Variants in SH3BGRL observed in about 807,000 individuals in gnomAD.
The protein encoded by SH3BGRL is SH3 domain binding glutamate rich protein like.
Under a neutral mutation model 9.8 loss-of-function variants are expected in SH3BGRL, and 7 were observed. The ratio of observed to expected loss-of-function variants is 0.72; its 90% confidence interval spans 0.41 to 1.35. The LOEUF (loss-of-function observed/expected upper bound fraction) is 1.35. Ranked by LOEUF, SH3BGRL falls within the 40% of genes most tolerant of loss-of-function variation. The probability of loss-of-function intolerance (pLI) is 0.01; values close to 1 mark genes in which losing one functional copy is unlikely to be tolerated. For missense variants in SH3BGRL, 73 were observed against 84.4 expected (o/e 0.86, Z 0.53); for synonymous variants, 36 against 29.1 (o/e 1.24, Z -0.76).
intron 1 of SH3BGRL, among the ~76,000 whole-genome samples, chrX:81,222,406 A>T (rs1343521637): frequency 1.0e-5 from 1 of 97,598 alleles, no homozygotes; most frequent in Non-Finnish European, 2.0e-5. Flanking sequence ...CCCATCTATG[A>T]GTGAGAACAT....
intron 1 of SH3BGRL, among the ~76,000 whole-genome samples, chrX:81,246,938 T>C (rs1250562913): frequency 2.7e-5 from 3 of 112,458 alleles, no homozygotes; most frequent in African/African-American, 9.7e-5. Flanking sequence ...TTCCAAATCA[T>C]TAGCATATAA....
rs758842309 is a variant in SH3BGRL, at chrX:81,246,591, A to G, written c.46-30393A>G. Among the ~76,000 whole-genome samples the G allele has an allele frequency of 1.4e-3, 156 of 111,369 alleles. 1 individual carries two copies. The highest frequency in any genetic ancestry group is 3.4e-3 in the South Asian group (9 of 2,671). On this transcript the variant is annotated intron_variant, in intron 1 of 3. Transcript: ENST00000373212. ...TCTTTCCAATTGTTTATTTTTCTCA[A>G]CTTTGTCAAAGATCAGATGACTGTA...
At chrX:81,265,009 A>AT (rs772578478) in intron 1 of SH3BGRL, among the ~76,000 whole-genome samples, 1,324 of 91,915 alleles carry the variant, frequency 0.014, 4 homozygotes, top group African/African-American at 0.018. Flanking sequence ...GAATGACTGT[A>AT]TTTTTTTTTT....
intron 1 of SH3BGRL, among the ~76,000 whole-genome samples, chrX:81,250,726 T>C (rs2075707064): frequency 8.9e-6 from 1 of 112,148 alleles, no homozygotes; most frequent in African/African-American, 3.2e-5. Flanking sequence ...GCAATAAAAA[T>C]GCAGAATTTA....
Position 81,274,721 on chromosome X carries a change from G to GA in SH3BGRL, c.46-2253dup, listed in dbSNP as rs951000842. On this transcript the variant is annotated intron_variant, in intron 1 of 3. Coordinates refer to ENST00000373212, the MANE Select transcript of SH3BGRL (RefSeq NM_003022.3). ...GGTGAAACAGCAAGACCCTATCTTG[G>GA]AAAAAAAAAATTAAAGGAATAGATT... 1.3e-3 allele frequency among the ~76,000 whole-genome samples: 138 copies of GA among 107,624 alleles called. 1 individual carries two copies. Among genetic ancestry groups the GA allele is most frequent in the Middle Eastern group, 4.8e-3 (1 of 209 alleles). 93.5% of individuals were successfully genotyped at this position (107,624 alleles called of 115,157 possible).
At chrX:81,244,342 C>T (rs2075681443) in intron 1 of SH3BGRL, among the ~76,000 whole-genome samples, 1 of 111,778 alleles carries the variant, frequency 8.9e-6, no homozygotes, top group Non-Finnish European at 1.9e-5. Context: ...AAAACATCAC[C>T]TAAACTAACA....
rs145052161 is a variant in SH3BGRL at position 81,233,803 on chromosome X, G to A, written c.45+31558G>A. Among the ~76,000 whole-genome samples the A allele has an allele frequency of 3.3e-3, 367 of 111,466 alleles. 2 individuals are homozygous for A. Among genetic ancestry groups the A allele is most frequent in the African/African-American group, 0.011 (343 of 30,775 alleles). The stretch of plus-strand genomic sequence containing the variant: ...GTCAATAATTTTAGAGCCAGGATCC[G>A]TATCCAGGATTTTATAGTTTCATTG... On this transcript the variant is annotated intron_variant, in intron 1 of 3. Coordinates refer to ENST00000373212, the MANE Select transcript of SH3BGRL (RefSeq NM_003022.3).
At chrX:81,292,591 A>T (rs112136650) in intron 3 of SH3BGRL, among the ~76,000 whole-genome samples, 3,100 of 112,351 alleles carry the variant, frequency 0.028, 60 homozygotes, top group African/African-American at 0.072. Flanking sequence ...ACTTATGCAA[A>T]TTTCTGCAGT....
At chrX:81,212,691 C>A (rs2075569001) in intron 1 of SH3BGRL, among the ~76,000 whole-genome samples, 1 of 111,233 alleles carries the variant, frequency 9.0e-6, no homozygotes. Flanking sequence ...GGGATTTAAT[C>A]TGACTCAACC....
chrX:81,204,344 A>G (rs1469975456), intron 1 of SH3BGRL, among the ~76,000 whole-genome samples: 1 of 111,822 alleles, frequency 8.9e-6, no homozygotes, highest in Admixed American at 9.5e-5. Flanking sequence ...TGGAGTGGTG[A>G]TTATTTACTT....
At chrX:81,239,863 C>T (rs1025282545) in intron 1 of SH3BGRL, among the ~76,000 whole-genome samples, 4 of 111,584 alleles carry the variant, frequency 3.6e-5, no homozygotes, top group East Asian at 2.8e-4. Context: ...GAGAGTGGGA[C>T]GATATATTTA....
At chrX:81,287,209 TAAAC>T (rs1223071411) in intron 3 of SH3BGRL, among the ~76,000 whole-genome samples, 4 of 111,643 alleles carry the variant, frequency 3.6e-5, no homozygotes, top group Non-Finnish European at 7.5e-5. Flanking sequence ...TTTGAAAAGT[TAAAC>T]AAAATTGACA....
intron 3 of SH3BGRL, among the ~76,000 whole-genome samples, chrX:81,293,303 G>T (rs185720209): frequency 9.0e-6 from 1 of 111,414 alleles, no homozygotes; most frequent in African/African-American, 3.3e-5. Context: ...TCCCAGCCTC[G>T]GGTATGCCTT....
intron 1 of SH3BGRL, among the ~76,000 whole-genome samples, chrX:81,232,244 T>A (rs958267099): frequency 5.4e-5 from 6 of 111,574 alleles, no homozygotes; most frequent in African/African-American, 2.0e-4. Flanking sequence ...ATGCAAGTTA[T>A]TTAATTCTCT....
intron 1 of SH3BGRL, among the ~76,000 whole-genome samples, chrX:81,270,528 C>T (rs1459262952): frequency 1.8e-5 from 2 of 112,109 alleles, no homozygotes; most frequent in East Asian, 5.6e-4. Context: ...ACTCTAGACC[C>T]TGTTTGCCTG....
intron 3 of SH3BGRL, among the ~76,000 whole-genome samples, chrX:81,296,152 C>T (rs913259394): frequency 9.0e-6 from 1 of 110,936 alleles, no homozygotes; most frequent in South Asian, 3.9e-4. Context: ...CACGTCCTCG[C>T]CTGGTGGCAG....
rs763297748 is a variant in SH3BGRL at position 81,278,315 on chromosome X, T to G, written c.232-16T>G. 2 of 1,130,080 alleles carry G rather than the reference T, an allele frequency of 1.8e-6. No individual in the cohort carries two copies. The highest frequency in any genetic ancestry group is 3.6e-5 in the African/African-American group (2 of 55,501). 93.1% of individuals were successfully genotyped at this position (1,130,080 alleles called of 1,213,427 possible). ...GGTTGCATATTGCTAATTCATCTTA[T>G]CTTCTTTTCATCAAGGACTATGATG... On this transcript the variant is annotated splice_polypyrimidine_tract_variant and intron_variant, in intron 2 of 3. Coordinates refer to ENST00000373212, the MANE Select transcript of SH3BGRL (RefSeq NM_003022.3).
intron 1 of SH3BGRL, among the ~76,000 whole-genome samples, chrX:81,240,851 G>C (rs774512629): frequency 8.0e-5 from 9 of 112,906 alleles, no homozygotes; most frequent in Non-Finnish European, 1.7e-4. Context: ...CAGTGGGGGA[G>C]ATGCAGCTTG....
At chrX:81,210,469 T>C (rs2075559883) in intron 1 of SH3BGRL, among the ~76,000 whole-genome samples, 1 of 111,766 alleles carries the variant, frequency 8.9e-6, no homozygotes, top group Non-Finnish European at 1.9e-5. Context: ...TCAGCTTTAG[T>C]GGGTAATAAT....
Sources: allele counts gnomAD v4.1 joint callset (sites outside exome capture counted in the v4.1 genomes callset), GRCh38; gene constraint gnomAD v4.1.1; transcripts MANE v1.5; gene names NCBI Gene and HGNC (gene_info 2026-07-23, HGNC 2026-07-21).